DGKB: variants seen among roughly 807,000 people sequenced by gnomAD.
The protein encoded by DGKB is 90 kDa diacylglycerol kinase.
DGKB carries 67 observed loss-of-function variants against 114.3 expected under a neutral mutation model. That is an observed-to-expected ratio of 0.59 (90% CI 0.48 to 0.72). The LOEUF (loss-of-function observed/expected upper bound fraction) is 0.72, where lower values mean the gene tolerates loss of function less well. Ranked by LOEUF, DGKB falls within the 30% of genes least tolerant of loss-of-function variation. The pLI is 0.00. For missense variants in DGKB, 907 were observed against 975.2 expected, an observed-to-expected ratio of 0.93 and a Z score of 0.93; for synonymous variants, 398 against 323.1, an observed-to-expected ratio of 1.23 and a Z score of -2.49.
rs182077482 is a variant in DGKB, at chr7:14,592,788, A to G, written c.1434-9651T>C. ...TTTTCTCTGTGGGTTTCGATGTTTT[A>G]TCAATTTAATGTGACTCTCTCAACA... On this transcript the variant is annotated intron_variant, in intron 17 of 25. Transcript: ENST00000402815. 5.3e-3 allele frequency among the ~76,000 whole-genome samples: 811 copies of G among 152,006 alleles called. 5 individuals are homozygous for G. Among genetic ancestry groups the G allele is most frequent in the Non-Finnish European group, 7.9e-3 (534 of 67,848 alleles).
At chr7:14,314,985 C>G (rs1313355159) in intron 23 of DGKB, among the ~76,000 whole-genome samples, 2 of 151,834 alleles carry the variant, frequency 1.3e-5, no homozygotes, top group East Asian at 1.9e-4. Flanking sequence ...ATTCAACATT[C>G]TTAAAGAAAA....
intron 17 of DGKB, among the ~76,000 whole-genome samples, chr7:14,585,052 A>T (rs1183469811): frequency 6.6e-6 from 1 of 152,188 alleles, no homozygotes; most frequent in Admixed American, 6.5e-5. Flanking sequence ...TGTCAAGGTA[A>T]TACCAACACT....
chr7:14,558,622 ATAT>A (rs1796209910), intron 20 of DGKB, among the ~76,000 whole-genome samples: 1 of 152,200 alleles, frequency 6.6e-6, no homozygotes, highest in Admixed American at 6.5e-5. Flanking sequence ...GAAAACACAC[ATAT>A]TCCCTAAAGA....
intron 4 of DGKB, among the ~76,000 whole-genome samples, chr7:14,740,400 T>C (rs1832410121): frequency 6.6e-6 from 1 of 152,096 alleles, no homozygotes; most frequent in African/African-American, 2.4e-5. Flanking sequence ...CCAGAGGATT[T>C]TTCTTGAAAA....
At chr7:14,505,954 T>TC (rs1229996397) in intron 20 of DGKB, among the ~76,000 whole-genome samples, 5 of 151,650 alleles carry the variant, frequency 3.3e-5, no homozygotes, top group Non-Finnish European at 7.4e-5. Flanking sequence ...CATACCCAGA[T>TC]TTTTTTTTAT....
At chr7:14,929,563 T>A (rs1409240606) in intron 1 of DGKB, among the ~76,000 whole-genome samples, 1 of 152,144 alleles carries the variant, frequency 6.6e-6, no homozygotes, top group East Asian at 1.9e-4. Context: ...TACTTTTTAA[T>A]AAGATTATTT....
chr7:14,935,097 G>C (rs1193212538), intron 1 of DGKB, among the ~76,000 whole-genome samples: 1 of 152,072 alleles, frequency 6.6e-6, no homozygotes, highest in Non-Finnish European at 1.5e-5. Context: ...CGTGGTGCTG[G>C]GGCCTGTCTC....
intron 2 of DGKB, among the ~76,000 whole-genome samples, chr7:14,839,506 A>C (rs1847624892): frequency 6.6e-6 from 1 of 150,804 alleles, no homozygotes. Flanking sequence ...GGCTCCAGCA[A>C]TCCTCTCACC....
At chr7:14,431,182 T>G (rs1439094471) in intron 21 of DGKB, among the ~76,000 whole-genome samples, 5 of 152,092 alleles carry the variant, frequency 3.3e-5, no homozygotes, top group African/African-American at 9.7e-5. Context: ...CTGATTGACT[T>G]TCTTCCCTGA....
chr7:14,397,624 G>C (rs1822442811), intron 21 of DGKB, among the ~76,000 whole-genome samples: 1 of 151,938 alleles, frequency 6.6e-6, no homozygotes, highest in African/African-American at 2.4e-5. Context: ...CACTATGTGT[G>C]ACCTGCATGT....
chr7:14,915,554 A>G (rs1784202056), intron 1 of DGKB, among the ~76,000 whole-genome samples: 1 of 152,214 alleles, frequency 6.6e-6, no homozygotes, highest in Non-Finnish European at 1.5e-5. Flanking sequence ...CAAAGAGAAA[A>G]TATTGACAAA....
intron 21 of DGKB, among the ~76,000 whole-genome samples, chr7:14,430,428 C>A (rs1364700289): frequency 6.6e-6 from 1 of 152,126 alleles, no homozygotes; most frequent in Non-Finnish European, 1.5e-5. Flanking sequence ...TCAATGACAT[C>A]TGGATCCAAA....
At chr7:14,809,148 T>C (rs1441074313) in intron 2 of DGKB, among the ~76,000 whole-genome samples, 2 of 152,118 alleles carry the variant, frequency 1.3e-5, no homozygotes, top group Non-Finnish European at 2.9e-5. Context: ...CAACATGTGA[T>C]CAGAATATCT....
intron 4 of DGKB, among the ~76,000 whole-genome samples, chr7:14,739,887 C>T (rs1169446909): frequency 6.6e-6 from 1 of 152,242 alleles, no homozygotes; most frequent in African/African-American, 2.4e-5. Flanking sequence ...CCAACCCCAA[C>T]TGCTGCCACA....
intron 20 of DGKB, among the ~76,000 whole-genome samples, chr7:14,536,840 G>GAAAA (rs112715630): frequency 6.8e-6 from 1 of 146,942 alleles, no homozygotes; most frequent in Non-Finnish European, 1.5e-5. Flanking sequence ...ATTAAGAAAG[G>GAAAA]AAAAAAACAA....
rs961967397 is a variant in DGKB at position 14,177,609 on chromosome 7, G to T, written c.2243+422C>A. Among the ~76,000 whole-genome samples, 114 of 144,840 alleles carry T rather than the reference G, an allele frequency of 7.9e-4. 1 individual carries two copies. Among genetic ancestry groups the T allele is most frequent in the Admixed American group, 1.9e-3 (28 of 14,416 alleles). On this transcript the variant is annotated intron_variant, in intron 24 of 25. Coordinates refer to ENST00000402815, the MANE Select transcript of DGKB (RefSeq NM_001350709.2). ...GGGGGAAATTTTGGGCAAAAAAAAT[G>T]CTTGAAAAAGTTAAAATTTAAAACA...
intron 13 of DGKB, among the ~76,000 whole-genome samples, chr7:14,672,113 G>A (rs1038617380): frequency 1.7e-4 from 26 of 151,834 alleles, no homozygotes; most frequent in Admixed American, 1.2e-3. Context: ...GGTACAAAAT[G>A]AGTAATATGA....
intron 23 of DGKB, among the ~76,000 whole-genome samples, chr7:14,253,344 T>A (rs1562750131): frequency 1.3e-5 from 2 of 152,118 alleles, no homozygotes; most frequent in Admixed American, 6.6e-5. Context: ...TTAAATTGAT[T>A]TGTATGTGAG....
rs530083354 is a variant in DGKB at position 14,186,998 on chromosome 7, T to C, written c.2123-8847A>G. ...TACTCATGTAACCAAATATCACCTG[T>C]ATCCCAATAACTTATGGAAAAATAA... On this transcript the variant is annotated intron_variant, in intron 23 of 25. Transcript: ENST00000402815. 1.6e-4 allele frequency among the ~76,000 whole-genome samples: 24 copies of C among 151,922 alleles called. No individual in the cohort carries two copies. In the East Asian group the frequency reaches 2.5e-3, roughly 16 times the overall value.
Sources: gnomAD v4.1 joint callset for allele counts (sites outside exome capture counted in the v4.1 genomes callset) on GRCh38, gnomAD v4.1.1 for gene constraint, MANE v1.5 for transcripts, NCBI Gene and HGNC (gene_info 2026-07-23, HGNC 2026-07-21) for gene names.